The following HS3ST3A1 variants were observed in gnomAD, a reference collection of about 807,000 sequenced individuals.
HS3ST3A1 encodes the protein heparan sulfate-glucosamine 3-sulfotransferase 3A1.
In HS3ST3A1, 19 loss-of-function variants were observed where a neutral mutation model predicts 25.7. The observed-to-expected ratio is 0.74, with a 90% confidence interval of 0.52 to 1.08. The LOEUF is 1.08. HS3ST3A1 is among the 50% of genes least tolerant of loss of function. HS3ST3A1 has a pLI of 0.00. For synonymous variants in HS3ST3A1, 226 were observed against 278.6 expected (o/e 0.81, Z 1.88); for missense variants, 459 against 594.3 (o/e 0.77, Z 2.37).
chr17:13,593,907 T>C (rs1286480899), intron 1 of HS3ST3A1, among the ~76,000 whole-genome samples: 2 of 152,174 alleles, frequency 1.3e-5, no homozygotes, highest in Non-Finnish European at 2.9e-5. Flanking sequence ...AGTTTTCCCA[T>C]AAATGCCTTA....
intron 1 of HS3ST3A1, among the ~76,000 whole-genome samples, chr17:13,588,591 A>C (rs1176177298): frequency 1.3e-5 from 2 of 152,220 alleles, no homozygotes; most frequent in Non-Finnish European, 2.9e-5. Flanking sequence ...CTATATAAGT[A>C]AATATAACAA....
intron 1 of HS3ST3A1, among the ~76,000 whole-genome samples, chr17:13,524,902 A>G (rs1365741861): frequency 2.0e-5 from 3 of 152,248 alleles, no homozygotes. Flanking sequence ...TGGTTATGCC[A>G]TCTACTACAT....
At chr17:13,542,204 G>C (rs1906955134) in intron 1 of HS3ST3A1, among the ~76,000 whole-genome samples, 1 of 151,902 alleles carries the variant, frequency 6.6e-6, no homozygotes, top group East Asian at 1.9e-4. Flanking sequence ...GCGTGCACCT[G>C]CAGTCCCAGC....
At chr17:13,560,289 C>CAAAAAAAAAAAAAAAAAA in intron 1 of HS3ST3A1, among the ~76,000 whole-genome samples, 195 of 17,380 alleles carry the variant, frequency 0.011, 76 homozygotes, top group Non-Finnish European at 0.016. Context: ...CACTCGTCTC[C>CAAAAAAAAAAAAAAAAAA]AAAAAAAAAA....
chr17:13,534,845 G>C (rs1003846534), intron 1 of HS3ST3A1, among the ~76,000 whole-genome samples: 1 of 152,018 alleles, frequency 6.6e-6, no homozygotes, highest in East Asian at 1.9e-4. Context: ...GACTAACATG[G>C]AGAAACCACG....
At chr17:13,528,930 C>G (rs11078162) in intron 1 of HS3ST3A1, among the ~76,000 whole-genome samples, 87,166 of 148,418 alleles carry the variant, frequency 0.59, 26,149 homozygotes, top group African/African-American at 0.75. Context: ...GTGCAGTGGT[C>G]GGGGTGGGGG....
intron 1 of HS3ST3A1, among the ~76,000 whole-genome samples, chr17:13,580,588 T>C (rs1908083874): frequency 6.6e-6 from 1 of 152,046 alleles, no homozygotes; most frequent in Non-Finnish European, 1.5e-5. Flanking sequence ...ATTTTAGGGG[T>C]AAGACTCAGA....
At chr17:13,525,020 A>C (rs544619104) in intron 1 of HS3ST3A1, among the ~76,000 whole-genome samples, 17 of 152,094 alleles carry the variant, frequency 1.1e-4, no homozygotes, top group Non-Finnish European at 2.4e-4. Context: ...CCTGATGCTA[A>C]TTTTGTTACC....
At chr17:13,516,085 C>A (rs139794403) in intron 1 of HS3ST3A1, among the ~76,000 whole-genome samples, 1 of 152,082 alleles carries the variant, frequency 6.6e-6, no homozygotes, top group African/African-American at 2.4e-5. Context: ...CCGAAGCGGG[C>A]GAATCACGAG....
chr17:13,586,903 A>G, intron 1 of HS3ST3A1, among the ~76,000 whole-genome samples: 1 of 132,574 alleles, frequency 7.5e-6, no homozygotes, highest in Non-Finnish European at 1.6e-5. Context: ...AAAAAGGCAT[A>G]CTAGATTTTG....
intron 1 of HS3ST3A1, among the ~76,000 whole-genome samples, chr17:13,499,709 G>A (rs570669254): frequency 6.6e-6 from 1 of 152,078 alleles, no homozygotes; most frequent in East Asian, 1.9e-4. Context: ...ACTAAAACAA[G>A]GAACCATATT....
At chr17:13,506,277 C>T (rs1905672608) in intron 1 of HS3ST3A1, among the ~76,000 whole-genome samples, 1 of 152,024 alleles carries the variant, frequency 6.6e-6, no homozygotes. Flanking sequence ...GCTGTGTGAT[C>T]TTGGGCAAAT....
At chr17:13,555,848 A>G (rs1278381293) in intron 1 of HS3ST3A1, 1 of 152,222 alleles carries the variant, frequency 6.6e-6, no homozygotes, top group African/African-American at 2.4e-5. Flanking sequence ...AGTATATTAT[A>G]TTACATATAA....
At chr17:13,556,796 G>T (rs1907389548) in intron 1 of HS3ST3A1, among the ~76,000 whole-genome samples, 1 of 151,364 alleles carries the variant, frequency 6.6e-6, no homozygotes, top group Non-Finnish European at 1.5e-5. Context: ...AGGTTGCAGG[G>T]AGCAGAGATC....
chr17:13,531,932 G>C (rs1442136083), intron 1 of HS3ST3A1, among the ~76,000 whole-genome samples: 1 of 152,130 alleles, frequency 6.6e-6, no homozygotes, highest in Non-Finnish European at 1.5e-5. Flanking sequence ...CTAATTGTCT[G>C]AGTTAACTAT....
intron 1 of HS3ST3A1, among the ~76,000 whole-genome samples, chr17:13,550,808 C>T (rs140695102): frequency 0.043 from 6,550 of 152,200 alleles, 171 homozygotes; most frequent in African/African-American, 0.074. Context: ...GTGGCTCACG[C>T]CTGTAATCCC....
chr17:13,514,652 G>C (rs1344625863), intron 1 of HS3ST3A1, among the ~76,000 whole-genome samples: 1 of 152,206 alleles, frequency 6.6e-6, no homozygotes, highest in Non-Finnish European at 1.5e-5. Flanking sequence ...GAGAGGACAA[G>C]GAGGGTGGAT....
At chr17:13,580,546 AC>A (rs1268992381) in intron 1 of HS3ST3A1, among the ~76,000 whole-genome samples, 2 of 152,208 alleles carry the variant, frequency 1.3e-5, no homozygotes, top group African/African-American at 4.8e-5. Context: ...AAAAAGAAAA[AC>A]ATAGTAAAGT....
chr17:13,509,585 C>CGA (rs201577250), intron 1 of HS3ST3A1, among the ~76,000 whole-genome samples: 3,266 of 151,390 alleles, frequency 0.022, 53 homozygotes, highest in Non-Finnish European at 0.031. Flanking sequence ...TATTTGTGTG[C>CGA]GAGAGAGAGA....
Sources: gnomAD v4.1 joint callset for allele counts (sites outside exome capture counted in the v4.1 genomes callset) on GRCh38, gnomAD v4.1.1 for gene constraint, MANE v1.5 for transcripts, NCBI Gene and HGNC (gene_info 2026-07-23, HGNC 2026-07-21) for gene names.